Variants in RASAL2 observed in about 807,000 individuals in gnomAD.
The protein encoded by RASAL2 is RAS protein activator like 2.
In RASAL2, 58 loss-of-function variants were observed where a neutral mutation model predicts 128.9. The ratio of observed to expected loss-of-function variants is 0.45; its 90% CI spans 0.36 to 0.56. The LOEUF (loss-of-function observed/expected upper bound fraction) is 0.56, where lower values mean the gene tolerates loss of function less well. RASAL2 is among the 20% of genes least tolerant of loss of function. RASAL2 has a pLI of 0.00. For synonymous variants in RASAL2, 561 were observed against 580.8 expected, an observed-to-expected ratio of 0.97 and a Z score of 0.49; for missense variants, 1,360 against 1,601.6, an observed-to-expected ratio of 0.85 and a Z score of 2.57.
At chr1:178,185,535 A>G (rs1348435370) in intron 1 of RASAL2, among the ~76,000 whole-genome samples, 1 of 151,588 alleles carries the variant, frequency 6.6e-6, no homozygotes, top group African/African-American at 2.4e-5. Context: ...GGGGGTATAT[A>G]AGAAGGTTTG....
At chr1:178,283,740 T>G (rs1377022884) in intron 2 of RASAL2, 49 bp downstream of exon 2, 1 of 1,596,580 alleles carries the variant, frequency 6.3e-7, no homozygotes, top group Admixed American at 1.7e-5. Context: ...CTGAGTAAAT[T>G]CCTGAAATTA....
intron 3 of RASAL2, among the ~76,000 whole-genome samples, chr1:178,348,263 A>G (rs1670254947): frequency 6.6e-6 from 1 of 152,124 alleles, no homozygotes; most frequent in Non-Finnish European, 1.5e-5. Flanking sequence ...ACCTGTACAT[A>G]TGTTATTTGT....
intron 17 of RASAL2, among the ~76,000 whole-genome samples, chr1:178,469,807 T>C (rs867263903): frequency 2.6e-5 from 4 of 152,200 alleles, no homozygotes; most frequent in Admixed American, 6.5e-5. Context: ...TGGGATTGGT[T>C]AAATATAATA....
chr1:178,223,920 C>A (rs1014912833), intron 1 of RASAL2, among the ~76,000 whole-genome samples: 1 of 152,078 alleles, frequency 6.6e-6, no homozygotes, highest in Non-Finnish European at 1.5e-5. Context: ...GGATAAGGAA[C>A]ACTAGAATAA....
chr1:178,109,577 C>T (rs1659221265), intron 1 of RASAL2, among the ~76,000 whole-genome samples: 1 of 152,184 alleles, frequency 6.6e-6, no homozygotes, highest in African/African-American at 2.4e-5. Context: ...ATGATTCATA[C>T]ACACAAAACT....
intron 3 of RASAL2, among the ~76,000 whole-genome samples, chr1:178,346,469 T>C (rs1441984389): frequency 6.6e-6 from 1 of 152,124 alleles, no homozygotes; most frequent in Non-Finnish European, 1.5e-5. Flanking sequence ...ATATTTTCCT[T>C]GAAGCATTTT....
chr1:178,254,349 C>G (rs1665213820), intron 1 of RASAL2, among the ~76,000 whole-genome samples: 1 of 152,160 alleles, frequency 6.6e-6, no homozygotes, highest in Admixed American at 6.6e-5. Flanking sequence ...TATATCATAA[C>G]TGTAATTACA....
intron 1 of RASAL2, among the ~76,000 whole-genome samples, chr1:178,167,650 C>G (rs77215791): frequency 6.6e-6 from 1 of 152,118 alleles, no homozygotes; most frequent in African/African-American, 2.4e-5. Context: ...ATAACATAAA[C>G]GATTGATTAA....
At chr1:178,206,116 G>A (rs1455656589) in intron 1 of RASAL2, among the ~76,000 whole-genome samples, 3 of 152,046 alleles carry the variant, frequency 2.0e-5, no homozygotes, top group Non-Finnish European at 4.4e-5. Flanking sequence ...CTTGCTCTGT[G>A]TACTCTGTCC....
intron 8 of RASAL2, among the ~76,000 whole-genome samples, chr1:178,443,854 C>G (rs1676827919): frequency 1.3e-5 from 2 of 151,970 alleles, no homozygotes; most frequent in Non-Finnish European, 2.9e-5. Flanking sequence ...GAGTCTTTGA[C>G]CTATGAAGGA....
intron 17 of RASAL2, 117 bp from the exon 18 acceptor site, chr1:178,472,958 C>G (rs1648407600): frequency 1.7e-6 from 2 of 1,205,830 alleles, no homozygotes; most frequent in African/African-American, 3.0e-5. Context: ...TTCCATTTGT[C>G]TGGGAAGCAC....
chr1:178,164,378 A>T (rs1386095928), intron 1 of RASAL2, among the ~76,000 whole-genome samples: 1 of 152,150 alleles, frequency 6.6e-6, no homozygotes, highest in Admixed American at 6.5e-5. Context: ...AATTCCTATT[A>T]TTGAAAAAGC....
chr1:178,409,786 C>T (rs572786458), intron 4 of RASAL2, among the ~76,000 whole-genome samples: 6 of 152,284 alleles, frequency 3.9e-5, no homozygotes, highest in African/African-American at 1.4e-4. Flanking sequence ...CAGAAGCAGG[C>T]AATGGGCAAC....
chr1:178,472,997 C>T, intron 17 of RASAL2, 78 bp from the exon 18 acceptor site: 1 of 1,513,936 alleles, frequency 6.6e-7, no homozygotes, highest in East Asian at 2.3e-5. Flanking sequence ...AGAGAAAGCA[C>T]TGGACTAGTC....
At chr1:178,112,228 C>T (rs1449498988) in intron 1 of RASAL2, among the ~76,000 whole-genome samples, 2 of 151,974 alleles carry the variant, frequency 1.3e-5, no homozygotes, top group African/African-American at 2.4e-5. Flanking sequence ...CTTTTGCTTT[C>T]GTGGATTGTA....
At chr1:178,168,449 G>T (rs1661592050) in intron 1 of RASAL2, among the ~76,000 whole-genome samples, 1 of 151,812 alleles carries the variant, frequency 6.6e-6, no homozygotes, top group African/African-American at 2.4e-5. Flanking sequence ...CTAGAGGATT[G>T]TTTTTTGTAA....
chr1:178,259,320 ACGG>A (rs1222820302), intron 1 of RASAL2, among the ~76,000 whole-genome samples: 2 of 151,142 alleles, frequency 1.3e-5, no homozygotes, highest in African/African-American at 4.9e-5. Context: ...TTTAGTAGAG[ACGG>A]GGTTTCACCG....
At position 178,217,819 on chromosome 1, in the gene RASAL2, C is replaced by T. The variant is rs542754695; in HGVS notation, c.203-65745C>T. ...GCTGTGGCAATTTCTTAAAAGAAGACGACAATGAAGTTGCCCCATTGATCA... is the reference window on the plus strand; with the variant it reads ...GCTGTGGCAATTTCTTAAAAGAAGATGACAATGAAGTTGCCCCATTGATCA... On this transcript the variant is annotated intron_variant, in intron 1 of 17. Transcript: ENST00000367649. Among the ~76,000 whole-genome samples, 7 of 152,212 alleles carry T rather than the reference C, an allele frequency of 4.6e-5. No individual in the cohort carries two copies. The East Asian group carries it at 7.7e-4, about 17-fold the overall frequency.
intron 1 of RASAL2, among the ~76,000 whole-genome samples, chr1:178,108,968 A>T (rs181804725): frequency 6.6e-6 from 1 of 152,206 alleles, no homozygotes; most frequent in Non-Finnish European, 1.5e-5. Flanking sequence ...TTTAGCAGTA[A>T]TATAAAATAT....
Sources: allele counts gnomAD v4.1 joint callset (sites outside exome capture counted in the v4.1 genomes callset), GRCh38; gene constraint gnomAD v4.1.1; transcripts MANE v1.5; gene names NCBI Gene and HGNC (gene_info 2026-07-23, HGNC 2026-07-21).